PTPRD: variants seen among roughly 807,000 people sequenced by gnomAD.
PTPRD encodes the protein receptor-type tyrosine-protein phosphatase delta.
PTPRD carries 34 observed loss-of-function variants against 214.5 expected under a neutral mutation model. The ratio of observed to expected loss-of-function variants is 0.16; its 90% CI spans 0.12 to 0.21. The LOEUF (loss-of-function observed/expected upper bound fraction) is 0.21, where lower values mean the gene tolerates loss of function less well. Ranked by LOEUF, PTPRD falls within the 10% of genes least tolerant of loss-of-function variation. The pLI is 1.00. For missense variants in PTPRD, 2,545 were observed against 2,398.7 expected (o/e 1.06, Z -1.27); for synonymous variants, 1,128 against 845.7 (o/e 1.33, Z -5.79).
intron 17 of PTPRD, among the ~76,000 whole-genome samples, chr9:8,525,421 C>T (rs1484610846): frequency 2.0e-5 from 3 of 151,762 alleles, no homozygotes; most frequent in Admixed American, 6.6e-5. Context: ...CCAAAAGTGG[C>T]GCAAAAGATA....
rs1439533512 is a variant in PTPRD, at chr9:8,721,213, G to C, written c.64+12567C>G. Among the ~76,000 whole-genome samples, 3 of 152,010 alleles carry C rather than the reference G, an allele frequency of 2.0e-5. No homozygotes were observed. In the East Asian group the frequency reaches 5.8e-4, roughly 29 times the overall value. ...GGAAGCCGAGGCAGGGGGATCATCT[G>C]AGGTCAGGAGTTCGAGACTAGCCTG... On this transcript the variant is annotated intron_variant, in intron 12 of 45. Transcript: ENST00000381196.
intron 11 of PTPRD, among the ~76,000 whole-genome samples, chr9:8,870,494 G>T (rs577330314): frequency 1.3e-5 from 2 of 152,154 alleles, no homozygotes; most frequent in Admixed American, 6.5e-5. Context: ...ACCCCATCTT[G>T]CTGTTTCTCA....
At chr9:9,602,878 C>T (rs2093880571) in intron 7 of PTPRD, among the ~76,000 whole-genome samples, 1 of 152,034 alleles carries the variant, frequency 6.6e-6, no homozygotes, top group African/African-American at 2.4e-5. Flanking sequence ...GATTCAGCAA[C>T]CACATATTAT....
intron 2 of PTPRD, among the ~76,000 whole-genome samples, chr9:10,376,838 G>T (rs2097737812): frequency 6.6e-6 from 1 of 151,914 alleles, no homozygotes; most frequent in Non-Finnish European, 1.5e-5. Flanking sequence ...TATGCAATGT[G>T]TAATAGTCGC....
intron 9 of PTPRD, among the ~76,000 whole-genome samples, chr9:9,357,939 C>G (rs535949447): frequency 6.6e-6 from 1 of 151,208 alleles, no homozygotes; most frequent in Non-Finnish European, 1.5e-5. Context: ...TTCTGTAATG[C>G]TTTAGAATTT....
intron 8 of PTPRD, among the ~76,000 whole-genome samples, chr9:9,460,748 A>G (rs867054259): frequency 2.6e-5 from 4 of 152,052 alleles, no homozygotes; most frequent in South Asian, 2.1e-4. Context: ...TCAACCCCCT[A>G]TGGAAAACAA....
intron 2 of PTPRD, among the ~76,000 whole-genome samples, chr9:10,366,588 C>T (rs1025385610): frequency 4.6e-5 from 7 of 152,152 alleles, no homozygotes; most frequent in Admixed American, 4.6e-4. Context: ...AGACTCACAA[C>T]ATAAAATTGT....
intron 11 of PTPRD, among the ~76,000 whole-genome samples, chr9:8,968,472 T>C (rs1002934453): frequency 1.3e-5 from 2 of 151,856 alleles, no homozygotes; most frequent in Admixed American, 1.3e-4. Context: ...TGGTATCTCA[T>C]TGTGGTTTTG....
chr9:8,401,211 C>A (rs1006690745), intron 36 of PTPRD, among the ~76,000 whole-genome samples: 5 of 150,088 alleles, frequency 3.3e-5, no homozygotes, highest in Non-Finnish European at 5.9e-5. Flanking sequence ...GTTGCCCAAG[C>A]TGGAGTGCAG....
At chr9:9,979,930 T>C (rs1267488198) in intron 4 of PTPRD, among the ~76,000 whole-genome samples, 3 of 152,158 alleles carry the variant, frequency 2.0e-5, no homozygotes, top group African/African-American at 7.2e-5. Flanking sequence ...AAAAATCCAG[T>C]TATGACACTG....
At chr9:10,580,235 G>A (rs1307994418) in intron 2 of PTPRD, among the ~76,000 whole-genome samples, 1 of 152,000 alleles carries the variant, frequency 6.6e-6, no homozygotes. Context: ...AATAACATTG[G>A]CATCACTATA....
intron 3 of PTPRD, among the ~76,000 whole-genome samples, chr9:10,222,896 A>G (rs1406408130): frequency 1.3e-5 from 2 of 152,064 alleles, no homozygotes; most frequent in South Asian, 2.1e-4. Flanking sequence ...AAAGAAAGAT[A>G]AAAATGTGTT....
chr9:9,900,040 A>G (rs2076022076), intron 5 of PTPRD, among the ~76,000 whole-genome samples: 1 of 152,174 alleles, frequency 6.6e-6, no homozygotes, highest in African/African-American at 2.4e-5. Flanking sequence ...AAAAAAATGA[A>G]ATATTGAAGA....
chr9:10,375,329 C>T (rs1321187160), intron 2 of PTPRD, among the ~76,000 whole-genome samples: 5 of 151,912 alleles, frequency 3.3e-5, no homozygotes, highest in Non-Finnish European at 7.4e-5. Context: ...AACTATAAGT[C>T]TGATCCTTTT....
At chr9:8,836,380 A>T (rs2097422366) in intron 11 of PTPRD, among the ~76,000 whole-genome samples, 2 of 152,084 alleles carry the variant, frequency 1.3e-5, no homozygotes, top group South Asian at 4.1e-4. Flanking sequence ...TCACTGAAAA[A>T]CAATACTCTT....
intron 5 of PTPRD, among the ~76,000 whole-genome samples, chr9:9,837,779 T>C (rs1222166985): frequency 1.3e-5 from 2 of 152,238 alleles, no homozygotes; most frequent in African/African-American, 2.4e-5. Context: ...TATTTTATTA[T>C]TATTATACTT....
intron 11 of PTPRD, among the ~76,000 whole-genome samples, chr9:8,775,084 T>C (rs1284295541): frequency 6.6e-6 from 1 of 152,154 alleles, no homozygotes; most frequent in African/African-American, 2.4e-5. Context: ...ATGCCTTAAG[T>C]GATGCAGGTA....
At chr9:9,452,874 A>C (rs925625578) in intron 8 of PTPRD, among the ~76,000 whole-genome samples, 1 of 151,592 alleles carries the variant, frequency 6.6e-6, no homozygotes, top group African/African-American at 2.4e-5. Context: ...TATTTGCTCA[A>C]GCTCTTGAGA....
rs141827316 is a variant in PTPRD, at chr9:9,177,114, T to C, written c.-143+6190A>G. On this transcript the variant is annotated intron_variant, in intron 10 of 45. Transcript: ENST00000381196. ...TCACAGTTTAGCATGGTTGGGGAGG[T>C]CTCAGGAAACTTACAATCATGGTGG... Among the ~76,000 whole-genome samples, 574 of 151,920 alleles carry C rather than the reference T, an allele frequency of 3.8e-3. 5 individuals carry two copies. Among genetic ancestry groups the C allele is most frequent in the African/African-American group, 0.013 (551 of 41,436 alleles).
Sources: allele counts gnomAD v4.1 joint callset (sites outside exome capture counted in the v4.1 genomes callset), GRCh38; gene constraint gnomAD v4.1.1; transcripts MANE v1.5; gene names NCBI Gene and HGNC (gene_info 2026-07-23, HGNC 2026-07-21).